Variants in SLC39A11 observed in about 807,000 individuals in gnomAD.
SLC39A11 encodes the protein zinc transporter ZIP11.
A neutral mutation model predicts 36.1 loss-of-function variants in SLC39A11; 33 were observed. The observed-to-expected ratio is 0.91, with a 90% confidence interval of 0.69 to 1.22. SLC39A11 has a LOEUF of 1.22. Among genes scored for constraint, SLC39A11 ranks in the 50% most tolerant of loss-of-function variants. SLC39A11 has a pLI of 0.00. For synonymous variants in SLC39A11, 166 were observed against 170.3 expected (o/e 0.97, Z 0.20); for missense variants, 432 against 430.3 (o/e 1.00, Z -0.03).
intron 6 of SLC39A11, among the ~76,000 whole-genome samples, chr17:72,797,655 A>AC (rs1342548948): frequency 6.6e-6 from 1 of 152,096 alleles, no homozygotes; most frequent in Non-Finnish European, 1.5e-5. Context: ...CTCGTCTAAT[A>AC]CCCCACTAAC....
intron 7 of SLC39A11, among the ~76,000 whole-genome samples, chr17:72,656,539 A>G (rs1249160792): frequency 1.3e-5 from 2 of 151,644 alleles, no homozygotes; most frequent in African/African-American, 4.8e-5. Context: ...GGAGGCGGGA[A>G]GGGAGGGTCG....
At chr17:73,043,577 G>A (rs547378077) in intron 3 of SLC39A11, among the ~76,000 whole-genome samples, 14 of 152,248 alleles carry the variant, frequency 9.2e-5, no homozygotes, top group African/African-American at 3.4e-4. Context: ...GCAGGGTAAC[G>A]GAGGCATTTT....
chr17:73,076,664 C>T (rs922130740), intron 3 of SLC39A11, among the ~76,000 whole-genome samples: 1 of 152,142 alleles, frequency 6.6e-6, no homozygotes, highest in Non-Finnish European at 1.5e-5. Context: ...CTTTACGATA[C>T]CACACAGGAT....
chr17:72,766,745 G>A lies in SLC39A11; in HGVS notation c.602-30026C>T, dbSNP rs554128445. Among the ~76,000 whole-genome samples the A allele has an allele frequency of 5.3e-5, 8 of 152,270 alleles. No individual in the cohort carries two copies. The East Asian group carries it at 5.8e-4, about 11-fold the overall frequency. The stretch of plus-strand genomic sequence containing the variant: ...CCCTCTTTTACTAGTGACAAAGCAG[G>A]AGCATTGCCATCTTGGACAAGCACT... On this transcript the variant is annotated intron_variant, in intron 6 of 9. Coordinates refer to ENST00000255559, the MANE Select transcript of SLC39A11 (RefSeq NM_139177.4).
At chr17:72,684,928 G>A (rs2071675876) in intron 7 of SLC39A11, among the ~76,000 whole-genome samples, 1 of 152,206 alleles carries the variant, frequency 6.6e-6, no homozygotes. Flanking sequence ...GACACGTTAA[G>A]CTCATAGGCC....
intron 4 of SLC39A11, among the ~76,000 whole-genome samples, chr17:73,025,394 A>G (rs181041155): frequency 6.6e-6 from 1 of 152,356 alleles, no homozygotes; most frequent in African/African-American, 2.4e-5. Flanking sequence ...AGCAGCAACA[A>G]CACAGACAGT....
chr17:73,026,282 G>A (rs903711705), intron 4 of SLC39A11, among the ~76,000 whole-genome samples: 2 of 149,616 alleles, frequency 1.3e-5, no homozygotes, highest in African/African-American at 2.5e-5. Context: ...CCAGCACTGT[G>A]GGAAGCTGAG....
intron 4 of SLC39A11, among the ~76,000 whole-genome samples, chr17:72,963,872 G>A: frequency 6.6e-6 from 1 of 152,092 alleles, no homozygotes; most frequent in East Asian, 1.9e-4. Context: ...AGGGACCCAT[G>A]AACAGTTTTA....
At chr17:73,016,938 G>C (rs151322003) in intron 4 of SLC39A11, among the ~76,000 whole-genome samples, 5 of 152,130 alleles carry the variant, frequency 3.3e-5, no homozygotes, top group African/African-American at 9.7e-5. Context: ...CCACTTAAGC[G>C]CCTGTTAATT....
intron 7 of SLC39A11, among the ~76,000 whole-genome samples, chr17:72,730,833 TTC>T (rs1225663439): frequency 6.6e-6 from 1 of 152,162 alleles, no homozygotes; most frequent in African/African-American, 2.4e-5. Context: ...ATGATTTTTT[TTC>T]TCTTTTATAG....
At position 72,647,283 on chromosome 17, in the gene SLC39A11, G is replaced by A. The variant is rs561903401; in HGVS notation, c.*301C>T. On this transcript the variant is annotated 3_prime_UTR_variant, in exon 10 of 10. Coordinates refer to ENST00000255559, the MANE Select transcript of SLC39A11 (RefSeq NM_139177.4). ...AGTTGGGAGGCAGATAGAAGGTCCC[G>A]AAGTGGAGATTTCCCTGATCTGAAG... The A allele has an allele frequency of 2.6e-5, 6 of 231,318 alleles. No homozygotes were observed. The highest frequency in any genetic ancestry group is 5.4e-5 in the Admixed American group (1 of 18,378). The allele number at this position is 231,318 out of a possible 1,614,324, so 14.3% of individuals were successfully genotyped here.
chr17:72,889,985 C>T (rs1348509982), intron 5 of SLC39A11, among the ~76,000 whole-genome samples: 3 of 151,796 alleles, frequency 2.0e-5, no homozygotes, highest in African/African-American at 4.8e-5. Context: ...GCAGGGCAGG[C>T]ATGGTGGCTC....
rs1165334910 is a variant in SLC39A11 at position 73,047,966 on chromosome 17, C to CAAAAAAAAAAAAA, written c.148-16265_148-16253dup. On this transcript the variant is annotated intron_variant, in intron 3 of 9. Transcript: ENST00000255559. ...CTGGCGACAGAGCAAGACTCCATCT[C>CAAAAAAAAAAAAA]AAAAAAAAAAAAAAAAAAAAAAAAA... Among the ~76,000 whole-genome samples the CAAAAAAAAAAAAA allele has an allele frequency of 2.9e-4, 6 of 20,490 alleles. 2 individuals carry two copies. Among genetic ancestry groups the CAAAAAAAAAAAAA allele is most frequent in the Non-Finnish European group, 5.1e-4 (6 of 11,664 alleles). The allele number at this position is 20,490 out of a possible 152,430, so 13.4% of individuals were successfully genotyped here.
intron 4 of SLC39A11, among the ~76,000 whole-genome samples, chr17:72,982,100 CAAAG>C (rs2088368004): frequency 1.3e-5 from 2 of 149,076 alleles, no homozygotes; most frequent in African/African-American, 4.9e-5. Flanking sequence ...TTTTTTTAAA[CAAAG>C]AAGACTCCAT....
chr17:72,782,453 G>T (rs1030982016), intron 6 of SLC39A11, among the ~76,000 whole-genome samples: 1 of 152,056 alleles, frequency 6.6e-6, no homozygotes, highest in African/African-American at 2.4e-5. Context: ...CAAGTCCCTT[G>T]GCACACACTT....
chr17:72,707,910 G>A (rs1003035508), intron 7 of SLC39A11, among the ~76,000 whole-genome samples: 1 of 152,206 alleles, frequency 6.6e-6, no homozygotes, highest in Non-Finnish European at 1.5e-5. Flanking sequence ...TCAGTAAGAG[G>A]CAAGTCAATA....
intron 5 of SLC39A11, among the ~76,000 whole-genome samples, chr17:72,926,989 G>A (rs769132286): frequency 6.6e-6 from 1 of 152,160 alleles, no homozygotes; most frequent in Non-Finnish European, 1.5e-5. Flanking sequence ...ACCAGACACA[G>A]AGCTGTGAAA....
rs561295244 is a variant in SLC39A11, at chr17:72,646,187, T to C, written c.*1397A>G. ...CCCAAGGTTGGCCTTTGGGGTCTGATAGCATTCACAGAGCAGGAGATTCAC... is the reference window on the plus strand; with the variant it reads ...CCCAAGGTTGGCCTTTGGGGTCTGACAGCATTCACAGAGCAGGAGATTCAC... On this transcript the variant is annotated 3_prime_UTR_variant, in exon 10 of 10. Coordinates refer to ENST00000255559, the MANE Select transcript of SLC39A11 (RefSeq NM_139177.4). The C allele has an allele frequency of 6.5e-6, 1 of 152,840 alleles. No homozygotes were observed. The highest frequency in any genetic ancestry group is 2.1e-4 in the South Asian group (1 of 4,832). 9.5% of individuals were successfully genotyped at this position (152,840 alleles called of 1,614,324 possible). A position where few individuals can be genotyped will look rare whatever the true frequency, so the allele number is the denominator to read the frequency against.
At chr17:72,819,193 C>T (rs911680257) in intron 6 of SLC39A11, among the ~76,000 whole-genome samples, 2 of 144,222 alleles carry the variant, frequency 1.4e-5, no homozygotes, top group African/African-American at 4.9e-5. Context: ...AGGGTGGGCC[C>T]TTAATCCAAT....
Sources: allele counts gnomAD v4.1 joint callset (sites outside exome capture counted in the v4.1 genomes callset), GRCh38; gene constraint gnomAD v4.1.1; transcripts MANE v1.5; gene names NCBI Gene and HGNC (gene_info 2026-07-23, HGNC 2026-07-21).